The following EVI5 variants were observed in gnomAD, a reference collection of about 807,000 sequenced individuals.
EVI5 encodes the protein ecotropic viral integration site 5 protein homolog.
In EVI5, 73 loss-of-function variants were observed where a neutral mutation model predicts 112.0. That is an observed-to-expected ratio of 0.65 (90% CI 0.54 to 0.79). The LOEUF (loss-of-function observed/expected upper bound fraction) is 0.79, where lower values mean the gene tolerates loss of function less well. Ranked by LOEUF, EVI5 falls within the 30% of genes least tolerant of loss-of-function variation. The pLI, the probability that EVI5 is intolerant of heterozygous loss-of-function variation, is 0.00. For synonymous variants in EVI5, 305 were observed against 319.9 expected (o/e 0.95, Z 0.50); for missense variants, 900 against 968.8 (o/e 0.93, Z 0.94).
chr1:92,730,956 CAAAAACCAAA>C (rs1366076108), intron 2 of EVI5, among the ~76,000 whole-genome samples: 1 of 151,876 alleles, frequency 6.6e-6, no homozygotes, highest in East Asian at 1.9e-4. Context: ...GGAATCTAGA[CAAAAACCAAA>C]AAAAACTACC....
intron 13 of EVI5, chr1:92,647,327 G>A (rs187691382): frequency 2.8e-5 from 6 of 217,374 alleles, no homozygotes; most frequent in East Asian, 1.1e-4. Flanking sequence ...ATCTTGGGGT[G>A]AAATTCTGAA....
At chr1:92,600,726 T>C (rs953591989) in intron 18 of EVI5, among the ~76,000 whole-genome samples, 1 of 152,170 alleles carries the variant, frequency 6.6e-6, no homozygotes, top group Non-Finnish European at 1.5e-5. Context: ...ATGATGCCAC[T>C]GATCTGACAG....
chr1:92,551,040 C>CTTTTCTTTT (rs1666836932), intron 19 of EVI5, among the ~76,000 whole-genome samples: 1 of 80,702 alleles, frequency 1.2e-5, no homozygotes, highest in African/African-American at 5.1e-5. Context: ...TTCTTTCTTT[C>CTTTTCTTTT]TTTTTTTTTT....
chr1:92,545,802 T>C (rs1665593411), intron 19 of EVI5, among the ~76,000 whole-genome samples: 1 of 152,126 alleles, frequency 6.6e-6, no homozygotes, highest in Admixed American at 6.5e-5. Context: ...TGCCCCTCTC[T>C]ACTCATTTTC....
chr1:92,770,370 T>A (rs555070570), intron 1 of EVI5, among the ~76,000 whole-genome samples: 7 of 152,346 alleles, frequency 4.6e-5, no homozygotes, highest in African/African-American at 7.2e-5. Context: ...TTGGAGTGCT[T>A]CCGATTTTTT....
At chr1:92,731,749 A>G (rs1015135109) in intron 2 of EVI5, among the ~76,000 whole-genome samples, 44 of 152,352 alleles carry the variant, frequency 2.9e-4, no homozygotes, top group African/African-American at 1.1e-3. Flanking sequence ...ATACACATAC[A>G]GACAACTGAT....
intron 2 of EVI5, among the ~76,000 whole-genome samples, chr1:92,725,269 C>G (rs893877428): frequency 6.6e-6 from 1 of 152,062 alleles, no homozygotes; most frequent in African/African-American, 2.4e-5. Flanking sequence ...AAAATTATAC[C>G]TATCCTCACC....
chr1:92,684,772 A>G (rs1430666716), intron 9 of EVI5, among the ~76,000 whole-genome samples: 3 of 152,162 alleles, frequency 2.0e-5, no homozygotes, highest in African/African-American at 7.2e-5. Flanking sequence ...CTGATAAAAC[A>G]AACTTTAAAC....
intron 19 of EVI5, 70 bp from the exon 20 acceptor site, chr1:92,514,040 C>G: frequency 1.1e-6 from 1 of 943,790 alleles, no homozygotes; most frequent in Non-Finnish European, 1.6e-6. Flanking sequence ...AGCAAACATT[C>G]CATGTTTAAG....
Position 92,563,683 on chromosome 1 carries a change from T to A in EVI5, c.2125A>T (p.Ile709Phe). 6.2e-7 allele frequency: 1 copy of A among 1,608,586 alleles called. No homozygotes were observed. Among genetic ancestry groups the A allele is most frequent in the Non-Finnish European group, 8.5e-7 (1 of 1,176,240 alleles). Residue 709 changes from isoleucine to phenylalanine, a missense_variant, in exon 19 of 20, where the codon ATT becomes TTT. Transcript: ENST00000684568. ...QLNKSDSNQY[I>F]GELKDQIAEL... ...GCTATCTGATCTTTCAGTTCCCCAATATACTGGTTAGAATCAGACTTGTTA... is the reference window on the plus strand; with the variant it reads ...GCTATCTGATCTTTCAGTTCCCCAAAATACTGGTTAGAATCAGACTTGTTA...
intron 13 of EVI5, among the ~76,000 whole-genome samples, chr1:92,656,874 A>G (rs1663084302): frequency 6.6e-6 from 1 of 152,216 alleles, no homozygotes; most frequent in South Asian, 2.1e-4. Flanking sequence ...GAGTAGTGCA[A>G]TTAAATCAGT....
upstream of EVI5, among the ~76,000 whole-genome samples, chr1:92,787,739 C>CA (rs113716389): frequency 0.027 from 3,098 of 116,898 alleles, 112 homozygotes; most frequent in African/African-American, 0.084. Context: ...GATCTTGTCT[C>CA]AAAAAAAAAA....
intron 18 of EVI5, among the ~76,000 whole-genome samples, chr1:92,578,339 C>A (rs1254841227): frequency 6.6e-6 from 1 of 152,000 alleles, no homozygotes; most frequent in Non-Finnish European, 1.5e-5. Context: ...AATACTAAAT[C>A]CTCTTTTTTT....
At chr1:92,734,059 C>T (rs1676927956) in intron 2 of EVI5, among the ~76,000 whole-genome samples, 1 of 152,116 alleles carries the variant, frequency 6.6e-6, no homozygotes, top group Admixed American at 6.6e-5. Context: ...ATCATGGGGG[C>T]CGGAAAGTAT....
intron 13 of EVI5, among the ~76,000 whole-genome samples, chr1:92,653,986 G>C (rs971664140): frequency 6.6e-6 from 1 of 152,016 alleles, no homozygotes; most frequent in Non-Finnish European, 1.5e-5. Flanking sequence ...TCTCTGCAGA[G>C]ACCTCAGTGT....
chr1:92,547,094 G>T (rs554934678), intron 19 of EVI5, among the ~76,000 whole-genome samples: 1 of 152,206 alleles, frequency 6.6e-6, no homozygotes, highest in African/African-American at 2.4e-5. Context: ...CCACATAGTT[G>T]GAACTAAAGC....
intron 10 of EVI5, among the ~76,000 whole-genome samples, chr1:92,669,232 A>G (rs1351289760): frequency 6.6e-6 from 1 of 152,030 alleles, no homozygotes; most frequent in Non-Finnish European, 1.5e-5. Flanking sequence ...TTGCCCTGGA[A>G]TTTTACAAGG....
intron 1 of EVI5, among the ~76,000 whole-genome samples, chr1:92,778,974 T>G (rs1310431242): frequency 6.8e-6 from 1 of 146,928 alleles, no homozygotes; most frequent in East Asian, 2.0e-4. Flanking sequence ...GCAGCAGGGA[T>G]TTTTTTTTTT....
At chr1:92,752,314 A>G (rs1363948143) in intron 1 of EVI5, among the ~76,000 whole-genome samples, 1 of 152,038 alleles carries the variant, frequency 6.6e-6, no homozygotes, top group Non-Finnish European at 1.5e-5. Flanking sequence ...ACCTGGAATT[A>G]CAGGCACGTG....
Sources: allele counts gnomAD v4.1 joint callset (sites outside exome capture counted in the v4.1 genomes callset), GRCh38; gene constraint gnomAD v4.1.1; transcripts MANE v1.5; gene names NCBI Gene and HGNC (gene_info 2026-07-23, HGNC 2026-07-21).